The following SMAD3 variants were observed in gnomAD, a reference collection of about 807,000 sequenced individuals.
SMAD3 encodes MAD homolog 3.
In SMAD3, 12 loss-of-function variants were observed where a neutral mutation model predicts 51.8. That is an observed-to-expected ratio of 0.23 (90% CI 0.15 to 0.38). SMAD3 has a LOEUF of 0.38. Among genes scored for constraint, SMAD3 ranks in the 10% least tolerant of loss-of-function variants. SMAD3 has a pLI of 1.00. For missense variants in SMAD3, 294 were observed against 565.6 expected, an observed-to-expected ratio of 0.52 and a Z score of 4.87; for synonymous variants, 238 against 227.7, an observed-to-expected ratio of 1.05 and a Z score of -0.41.
chr15:67,191,014 C>T lies in SMAD3; in HGVS notation c.*478C>T. The T allele has an allele frequency of 4.1e-6, 1 of 243,144 alleles. No individual in the cohort carries two copies. The highest frequency in any genetic ancestry group is 8.1e-6 in the Non-Finnish European group (1 of 123,462). 15.1% of individuals were successfully genotyped at this position (243,144 alleles called of 1,614,324 possible). ...TCTGACGCTTGTGACAGTGCCTCTT[C>T]CAGTGAACATTCCCAGCCCAGCCCC... On this transcript the variant is annotated 3_prime_UTR_variant, in exon 9 of 9. Transcript: ENST00000327367.
At position 67,194,433 on chromosome 15, in the gene SMAD3, A is replaced by G; in HGVS notation, c.*3897A>G. ...CAGGCAACTTTTCAAAAACACAGCTATCATAGAAAAGAAACTTGCCTCATG... is the reference window on the plus strand; with the variant it reads ...CAGGCAACTTTTCAAAAACACAGCTGTCATAGAAAAGAAACTTGCCTCATG... On this transcript the variant is annotated 3_prime_UTR_variant, in exon 9 of 9. Coordinates refer to ENST00000327367, the MANE Select transcript of SMAD3 (RefSeq NM_005902.4). 1 of 233,356 alleles carries G rather than the reference A, an allele frequency of 4.3e-6. No individual in the cohort carries two copies. The highest frequency in any genetic ancestry group is 8.5e-6 in the Non-Finnish European group (1 of 118,002). 14.5% of individuals were successfully genotyped at this position (233,356 alleles called of 1,614,324 possible).
At chr15:67,104,355 A>G (rs1260180678) in intron 1 of SMAD3, among the ~76,000 whole-genome samples, 3 of 152,182 alleles carry the variant, frequency 2.0e-5, no homozygotes. Flanking sequence ...TTGATCGGGG[A>G]AGAGACACTA....
intron 1 of SMAD3, among the ~76,000 whole-genome samples, chr15:67,079,039 C>T (rs915943150): frequency 1.3e-5 from 2 of 151,422 alleles, no homozygotes; most frequent in South Asian, 4.2e-4. Context: ...AGTGCAAAGG[C>T]GTGATCTTGG....
chr15:67,117,050 C>T (rs1020270070), intron 1 of SMAD3, among the ~76,000 whole-genome samples: 6 of 152,218 alleles, frequency 3.9e-5, no homozygotes, highest in African/African-American at 1.4e-4. Flanking sequence ...CTTCCCAGCA[C>T]TGAAACACAC....
chr15:67,146,829 A>G (rs181022780), intron 1 of SMAD3: 2 of 152,314 alleles, frequency 1.3e-5, no homozygotes, highest in Admixed American at 1.3e-4. Context: ...TGCTTAATCC[A>G]AGGAGCAGAG....
At chr15:67,071,490 A>T (rs111473304) in intron 1 of SMAD3, among the ~76,000 whole-genome samples, 65 of 152,326 alleles carry the variant, frequency 4.3e-4, no homozygotes, top group African/African-American at 1.5e-3. Flanking sequence ...GTATCAGCTC[A>T]GAATATGACA....
At chr15:67,189,376 C>A (rs144194549) in intron 8 of SMAD3, among the ~76,000 whole-genome samples, 1 of 152,318 alleles carries the variant, frequency 6.6e-6, no homozygotes, top group Non-Finnish European at 1.5e-5. Flanking sequence ...CAACACTGTT[C>A]CTGGTGTGGC....
intron 1 of SMAD3, among the ~76,000 whole-genome samples, chr15:67,078,238 T>C (rs2140201691): frequency 6.6e-6 from 1 of 152,332 alleles, no homozygotes; most frequent in South Asian, 2.1e-4. Context: ...GGAAACTAAG[T>C]GGGGTGTTGC....
At chr15:67,091,558 T>C (rs1316572645) in intron 1 of SMAD3, among the ~76,000 whole-genome samples, 1 of 152,220 alleles carries the variant, frequency 6.6e-6, no homozygotes, top group Non-Finnish European at 1.5e-5. Flanking sequence ...AGGGATTGGT[T>C]TCCTTAGATT....
intron 5 of SMAD3, among the ~76,000 whole-genome samples, chr15:67,177,001 T>C (rs947769997): frequency 3.9e-5 from 6 of 152,228 alleles, no homozygotes; most frequent in African/African-American, 1.4e-4. Context: ...TTACCCCCCG[T>C]AGTCATTCTC....
At chr15:67,106,913 GAAC>G (rs1960891007) in intron 1 of SMAD3, among the ~76,000 whole-genome samples, 1 of 152,164 alleles carries the variant, frequency 6.6e-6, no homozygotes, top group African/African-American at 2.4e-5. Flanking sequence ...AGGGGACCCA[GAAC>G]GGTGGTATCA....
chr15:67,121,676 G>A (rs1416472147), intron 1 of SMAD3, among the ~76,000 whole-genome samples: 1 of 152,020 alleles, frequency 6.6e-6, no homozygotes, highest in Non-Finnish European at 1.5e-5. Flanking sequence ...CGAGAGAATG[G>A]TTTCTACAGT....
chr15:67,128,580 G>T (rs1049978158), intron 1 of SMAD3, among the ~76,000 whole-genome samples: 6 of 151,900 alleles, frequency 3.9e-5, no homozygotes, highest in Non-Finnish European at 7.4e-5. Flanking sequence ...CTAAGAGTTT[G>T]TTTTTCAAAG....
chr15:67,110,348 C>G (rs1960985318), intron 1 of SMAD3, among the ~76,000 whole-genome samples: 1 of 152,180 alleles, frequency 6.6e-6, no homozygotes, highest in Admixed American at 6.5e-5. Flanking sequence ...AACTGCCCAC[C>G]TAGTTTTCCC....
chr15:67,176,790 G>T (rs3784680), intron 5 of SMAD3, among the ~76,000 whole-genome samples: 69,486 of 152,012 alleles, frequency 0.46, 16,999 homozygotes, highest in Non-Finnish European at 0.57. Flanking sequence ...GGGGGAGGGG[G>T]ATCCACAAAG....
chr15:67,076,435 T>G (rs1489475872), intron 1 of SMAD3, among the ~76,000 whole-genome samples: 1 of 152,174 alleles, frequency 6.6e-6, no homozygotes, highest in African/African-American at 2.4e-5. Context: ...GCATGATGTT[T>G]ATTGTTGCTG....
chr15:67,159,112 C>T (rs1303336618), intron 1 of SMAD3, among the ~76,000 whole-genome samples: 1 of 151,916 alleles, frequency 6.6e-6, no homozygotes, highest in East Asian at 1.9e-4. Context: ...ACTCTGTCAC[C>T]CAGGCTGGAG....
chr15:67,082,895 T>C (rs1393332491), intron 1 of SMAD3, among the ~76,000 whole-genome samples: 2 of 152,230 alleles, frequency 1.3e-5, no homozygotes, highest in Admixed American at 1.3e-4. Flanking sequence ...TTTTCTTGCT[T>C]GATTAAAAGA....
chr15:67,190,329 A>G, intron 8 of SMAD3, 84 bp from the exon 9 acceptor site: 1 of 1,313,014 alleles, frequency 7.6e-7, no homozygotes. Context: ...GACTGTCACC[A>G]AAGCAGAAAA....
Sources: allele counts gnomAD v4.1 joint callset (sites outside exome capture counted in the v4.1 genomes callset), GRCh38; gene constraint gnomAD v4.1.1; transcripts MANE v1.5; gene names NCBI Gene and HGNC (gene_info 2026-07-23, HGNC 2026-07-21).